The following SLAIN1 variants were observed in gnomAD, a reference collection of about 807,000 sequenced individuals.
SLAIN1 encodes the protein SLAIN family member 1.
In SLAIN1, 17 loss-of-function variants were observed where a neutral mutation model predicts 55.4. The observed-to-expected ratio is 0.31, with a 90% CI of 0.21 to 0.46. The LOEUF (loss-of-function observed/expected upper bound fraction) is 0.46, where lower values mean the gene tolerates loss of function less well. SLAIN1 is among the 20% of genes least tolerant of loss of function. SLAIN1 has a pLI of 1.00. For missense variants in SLAIN1, 682 were observed against 785.1 expected, an observed-to-expected ratio of 0.87 and a Z score of 1.57; for synonymous variants, 348 against 337.4, an observed-to-expected ratio of 1.03 and a Z score of -0.35.
At chr13:77,740,387 G>C (rs77844811) in intron 2 of SLAIN1, among the ~76,000 whole-genome samples, 1,822 of 152,112 alleles carry the variant, frequency 0.012, 32 homozygotes, top group East Asian at 0.018. Context: ...TTTAGCTTAA[G>C]GCATTTGGGA....
chr13:77,732,577 G>A (rs1872923893), intron 2 of SLAIN1, among the ~76,000 whole-genome samples: 1 of 151,924 alleles, frequency 6.6e-6, no homozygotes, highest in African/African-American at 2.4e-5. Flanking sequence ...TATTAAGTTT[G>A]ATTTAAACTA....
At chr13:77,760,711 T>A in intron 5 of SLAIN1, 117 bp from the exon 6 acceptor site, 1 of 1,068,388 alleles carries the variant, frequency 9.4e-7, no homozygotes, top group Non-Finnish European at 1.4e-6. Flanking sequence ...ATTCTGTTTT[T>A]CTCCTCCTGT....
chr13:77,753,730 T>C (rs1874403976), intron 5 of SLAIN1, among the ~76,000 whole-genome samples: 1 of 152,180 alleles, frequency 6.6e-6, no homozygotes, highest in Admixed American at 6.5e-5. Flanking sequence ...CATACAAAAA[T>C]TGTTTTCCTT....
chr13:77,719,759 T>C (rs2091243917), intron 2 of SLAIN1, 88 bp downstream of exon 2: 8 of 1,458,528 alleles, frequency 5.5e-6, no homozygotes, highest in Non-Finnish European at 7.5e-6. Flanking sequence ...AACATTTCAA[T>C]TGAAAATTCT....
intron 1 of SLAIN1, among the ~76,000 whole-genome samples, chr13:77,718,054 A>G (rs1411737331): frequency 1.3e-5 from 2 of 151,918 alleles, no homozygotes; most frequent in African/African-American, 4.8e-5. Flanking sequence ...ATTTTTAACT[A>G]TATATACTCT....
At chr13:77,745,387 A>G (rs533645856) in intron 3 of SLAIN1, among the ~76,000 whole-genome samples, 20 of 152,138 alleles carry the variant, frequency 1.3e-4, no homozygotes, top group African/African-American at 4.8e-4. Context: ...TTTTTTTTTA[A>G]GCACTGCATG....
chr13:77,734,200 G>A (rs557152926), intron 2 of SLAIN1, among the ~76,000 whole-genome samples: 1 of 151,980 alleles, frequency 6.6e-6, no homozygotes, highest in African/African-American at 2.4e-5. Context: ...GTGGTTTATG[G>A]GTTTGGGTCA....
intron 6 of SLAIN1, among the ~76,000 whole-genome samples, chr13:77,762,792 G>A (rs142038773): frequency 2.0e-4 from 31 of 152,296 alleles, no homozygotes; most frequent in African/African-American, 7.0e-4. Context: ...TTTGCTGTTT[G>A]TATTCAACAG....
At chr13:77,737,836 G>T (rs1050576952) in intron 2 of SLAIN1, among the ~76,000 whole-genome samples, 7 of 152,048 alleles carry the variant, frequency 4.6e-5, no homozygotes, top group African/African-American at 1.7e-4. Flanking sequence ...GTCTTCTGTA[G>T]TAGCTGGTCT....
At chr13:77,739,942 A>T (rs1873330994) in intron 2 of SLAIN1, among the ~76,000 whole-genome samples, 1 of 152,070 alleles carries the variant, frequency 6.6e-6, no homozygotes, top group South Asian at 2.1e-4. Flanking sequence ...AGTCACCCTC[A>T]ACTTATATTT....
intron 4 of SLAIN1, 107 bp downstream of exon 4, chr13:77,746,962 T>A: frequency 9.8e-7 from 1 of 1,019,916 alleles, no homozygotes; most frequent in Non-Finnish European, 1.4e-6. Context: ...AATCTGTCTC[T>A]GTCTCCTAGG....
chr13:77,747,060 G>A (rs1186821631), intron 4 of SLAIN1, among the ~76,000 whole-genome samples: 1 of 151,924 alleles, frequency 6.6e-6, no homozygotes, highest in Non-Finnish European at 1.5e-5. Flanking sequence ...CCAAGTAGCC[G>A]GGGTACAGGC....
intron 1 of SLAIN1, among the ~76,000 whole-genome samples, chr13:77,710,468 A>G (rs1023375225): frequency 5.3e-5 from 8 of 152,200 alleles, no homozygotes; most frequent in Non-Finnish European, 1.2e-4. Flanking sequence ...CAGACTTTAA[A>G]CCAACAAAGA....
intron 1 of SLAIN1, among the ~76,000 whole-genome samples, chr13:77,711,475 A>G (rs2091149874): frequency 6.6e-6 from 1 of 152,232 alleles, no homozygotes; most frequent in Non-Finnish European, 1.5e-5. Flanking sequence ...GGAAATCTAG[A>G]AGAAATGGAT....
chr13:77,705,310 G>A (rs578027070), intron 1 of SLAIN1, among the ~76,000 whole-genome samples: 40 of 151,992 alleles, frequency 2.6e-4, no homozygotes, highest in Non-Finnish European at 4.7e-4. Flanking sequence ...AAGGATAGTA[G>A]TTTCTGGTGT....
At chr13:77,716,653 A>C (rs2091210729) in intron 1 of SLAIN1, among the ~76,000 whole-genome samples, 1 of 152,114 alleles carries the variant, frequency 6.6e-6, no homozygotes, top group Non-Finnish European at 1.5e-5. Context: ...GAAAAGTGAA[A>C]TTTTAAAAAT....
chr13:77,742,990 G>T, intron 2 of SLAIN1: 1 of 1,251,636 alleles, frequency 8.0e-7, no homozygotes, highest in Non-Finnish European at 1.0e-6. Context: ...ATAGCTAACT[G>T]CTGCTATTTT....
At chr13:77,716,933 G>A (rs1424420655) in intron 1 of SLAIN1, among the ~76,000 whole-genome samples, 1 of 152,094 alleles carries the variant, frequency 6.6e-6, no homozygotes. Context: ...GCCAATGTCT[G>A]TGTCTGTTTG....
chr13:77,729,062 A>C (rs1482787196), intron 2 of SLAIN1, among the ~76,000 whole-genome samples: 1 of 152,180 alleles, frequency 6.6e-6, no homozygotes, highest in Non-Finnish European at 1.5e-5. Context: ...GGATTTCATC[A>C]CATCTTTATG....
Sources: allele counts gnomAD v4.1 joint callset (sites outside exome capture counted in the v4.1 genomes callset), GRCh38; gene constraint gnomAD v4.1.1; transcripts MANE v1.5; gene names NCBI Gene and HGNC (gene_info 2026-07-23, HGNC 2026-07-21).